AKT3: variants seen among roughly 807,000 people sequenced by gnomAD.
AKT3 encodes the protein AKT serine/threonine kinase 3, also known as RAC-gamma serine/threonine-protein kinase.
In AKT3, 15 loss-of-function variants were observed where a neutral mutation model predicts 65.3. The ratio of observed to expected loss-of-function variants is 0.23; its 90% CI spans 0.15 to 0.35. The LOEUF (loss-of-function observed/expected upper bound fraction) is 0.35. Ranked by LOEUF, AKT3 falls within the 10% of genes least tolerant of loss-of-function variation. AKT3 has a pLI of 1.00. For missense variants in AKT3, 243 were observed against 576.5 expected (o/e 0.42, Z 5.92); for synonymous variants, 206 against 183.8 (o/e 1.12, Z -0.98).
At chr1:243,706,807 G>C (rs1295464554) in intron 2 of AKT3, among the ~76,000 whole-genome samples, 2 of 152,180 alleles carry the variant, frequency 1.3e-5, no homozygotes, top group Non-Finnish European at 2.9e-5. Flanking sequence ...GCAACACTGA[G>C]ACTGGTGCTG....
At chr1:243,512,507 G>T in intron 12 of AKT3, 81 bp from the exon 13 acceptor site, 1 of 822,762 alleles carries the variant, frequency 1.2e-6, no homozygotes. Context: ...CAGAGAGCAC[G>T]TAGTTAAATG....
intron 12 of AKT3, among the ~76,000 whole-genome samples, chr1:243,532,989 G>A (rs1378926342): frequency 6.6e-6 from 1 of 152,098 alleles, no homozygotes. Flanking sequence ...CAAGTCAGGA[G>A]TAATATCTTT....
intron 2 of AKT3, among the ~76,000 whole-genome samples, chr1:243,839,601 A>G (rs1287604166): frequency 1.3e-5 from 2 of 152,186 alleles, no homozygotes; most frequent in African/African-American, 4.8e-5. Flanking sequence ...ATATATCACT[A>G]ATAACCAAGG....
At chr1:243,623,023 A>G (rs921322848) in intron 6 of AKT3, among the ~76,000 whole-genome samples, 1 of 152,222 alleles carries the variant, frequency 6.6e-6, no homozygotes, top group Admixed American at 6.5e-5. Context: ...CAGTCTTCAG[A>G]ACTGGCGCCG....
At chr1:243,698,159 T>C in intron 2 of AKT3, among the ~76,000 whole-genome samples, 1 of 152,216 alleles carries the variant, frequency 6.6e-6, no homozygotes, top group East Asian at 1.9e-4. Flanking sequence ...TTTATTCCTA[T>C]ATAAAATTCA....
intron 12 of AKT3, among the ~76,000 whole-genome samples, chr1:243,526,573 C>T (rs1381991608): frequency 2.0e-5 from 3 of 151,794 alleles, no homozygotes; most frequent in Admixed American, 2.0e-4. Flanking sequence ...ATTACAAAGC[C>T]ATCACACAAA....
intron 3 of AKT3, among the ~76,000 whole-genome samples, chr1:243,695,267 T>C (rs1336751490): frequency 5.3e-5 from 8 of 151,962 alleles, no homozygotes; most frequent in African/African-American, 1.9e-4. Flanking sequence ...CACAACATCT[T>C]ATAATCATGC....
intron 8 of AKT3, among the ~76,000 whole-genome samples, chr1:243,578,250 GC>G (rs1371763627): frequency 6.6e-6 from 1 of 152,124 alleles, no homozygotes; most frequent in Non-Finnish European, 1.5e-5. Flanking sequence ...GTTCACTGCA[GC>G]ACTATCACAA....
At chr1:243,531,145 C>T (rs1671497436) in intron 12 of AKT3, among the ~76,000 whole-genome samples, 1 of 152,128 alleles carries the variant, frequency 6.6e-6, no homozygotes, top group South Asian at 2.1e-4. Context: ...GCTTGGAGAG[C>T]AGTAGTGTGA....
chr1:243,523,405 T>TAC lies in AKT3; in HGVS notation c.1252-10981_1252-10980dup, dbSNP rs564531050. 4.7e-4 allele frequency among the ~76,000 whole-genome samples: 71 copies of TAC among 152,144 alleles called. 2 individuals carry two copies. The East Asian group carries it at 0.012, about 27-fold the overall frequency. ...GAACAGGCAAAGAAATCACAAGTAGTACTTCCTGTTAGCCTGGTAAACTCT... is the reference window on the plus strand; with the variant it reads ...GAACAGGCAAAGAAATCACAAGTAGTACACTTCCTGTTAGCCTGGTAAACTCT... On this transcript the variant is annotated intron_variant, in intron 12 of 13. Coordinates refer to ENST00000673466, the MANE Select transcript of AKT3 (RefSeq NM_005465.7).
chr1:243,621,716 A>G (rs974238370), intron 6 of AKT3, among the ~76,000 whole-genome samples: 1 of 152,210 alleles, frequency 6.6e-6, no homozygotes, highest in Non-Finnish European at 1.5e-5. Flanking sequence ...CTCCCCTTGA[A>G]AAGTTTCTCC....
chr1:243,787,348 T>C (rs1318846016), intron 2 of AKT3, among the ~76,000 whole-genome samples: 1 of 152,206 alleles, frequency 6.6e-6, no homozygotes, highest in Non-Finnish European at 1.5e-5. Context: ...CAAGGCTTGT[T>C]ATGAAAAACT....
At chr1:243,796,083 G>A (rs1022748055) in intron 2 of AKT3, among the ~76,000 whole-genome samples, 2 of 152,168 alleles carry the variant, frequency 1.3e-5, no homozygotes, top group Non-Finnish European at 2.9e-5. Context: ...TTTCTTACAG[G>A]TATTTTTGTG....
chr1:243,670,784 T>C (rs954962866), intron 3 of AKT3, among the ~76,000 whole-genome samples: 1 of 152,200 alleles, frequency 6.6e-6, no homozygotes, highest in East Asian at 1.9e-4. Context: ...CTGAGCAACA[T>C]GAACCACAAG....
At chr1:243,729,036 G>C (rs1026288882) in intron 2 of AKT3, among the ~76,000 whole-genome samples, 1 of 152,102 alleles carries the variant, frequency 6.6e-6, no homozygotes. Flanking sequence ...TTAAGAGATG[G>C]AGAAAAAGAA....
intron 8 of AKT3, among the ~76,000 whole-genome samples, chr1:243,580,558 G>T (rs1675264903): frequency 6.6e-6 from 1 of 152,182 alleles, no homozygotes; most frequent in Non-Finnish European, 1.5e-5. Flanking sequence ...GAATGGGATA[G>T]GGGCTTCACA....
rs531691803 is a variant in AKT3, at chr1:243,578,874, C to T, written c.697-5826G>A. Among the ~76,000 whole-genome samples, 4 of 152,264 alleles carry T rather than the reference C, an allele frequency of 2.6e-5. No individual in the cohort carries two copies. The South Asian group carries it at 8.3e-4, about 32-fold the overall frequency. On this transcript the variant is annotated intron_variant, in intron 8 of 13. Coordinates refer to ENST00000673466, the MANE Select transcript of AKT3 (RefSeq NM_005465.7). ...AGAAAACCGTACCAATCTGCAAGGACATCACTATCTGGTTACAAGAGCCAG... is the reference window on the plus strand; with the variant it reads ...AGAAAACCGTACCAATCTGCAAGGATATCACTATCTGGTTACAAGAGCCAG...
intron 13 of AKT3, among the ~76,000 whole-genome samples, chr1:243,507,263 A>T (rs1669731261): frequency 6.6e-6 from 1 of 152,226 alleles, no homozygotes; most frequent in African/African-American, 2.4e-5. Context: ...CAGGTGCTAG[A>T]CACCCTTTTG....
chr1:243,767,235 C>G (rs1194989638), intron 2 of AKT3, among the ~76,000 whole-genome samples: 8 of 152,050 alleles, frequency 5.3e-5, no homozygotes, highest in African/African-American at 1.7e-4. Flanking sequence ...AGCCAAACAT[C>G]AGGGAAGCCA....
Sources: allele counts gnomAD v4.1 joint callset (sites outside exome capture counted in the v4.1 genomes callset), GRCh38; gene constraint gnomAD v4.1.1; transcripts MANE v1.5; gene names NCBI Gene and HGNC (gene_info 2026-07-23, HGNC 2026-07-21).